Variants in FRMD5 observed in about 807,000 individuals in gnomAD.
The protein encoded by FRMD5 is FERM domain containing 5.
In FRMD5, 20 loss-of-function variants were observed where a neutral mutation model predicts 69.0. That is an observed-to-expected ratio of 0.29 (90% CI 0.20 to 0.42). FRMD5 has a LOEUF of 0.42. Among genes scored for constraint, FRMD5 ranks in the 10% least tolerant of loss-of-function variants. FRMD5 has a pLI of 1.00. For missense variants in FRMD5, 595 were observed against 708.6 expected, an observed-to-expected ratio of 0.84 and a Z score of 1.82; for synonymous variants, 271 against 260.1, an observed-to-expected ratio of 1.04 and a Z score of -0.40.
At chr15:43,888,765 C>T in intron 9 of FRMD5, 44 bp downstream of exon 9, 1 of 1,537,968 alleles carries the variant, frequency 6.5e-7, no homozygotes. Context: ...AGGAAGCATC[C>T]CATCACCCCA....
chr15:44,151,169 G>A (rs968826838), intron 1 of FRMD5, among the ~76,000 whole-genome samples: 3 of 151,900 alleles, frequency 2.0e-5, no homozygotes, highest in Admixed American at 6.6e-5. Context: ...AGGCCAAGGC[G>A]GACGGATCAC....
At chr15:44,117,991 CTTTTTTTTT>C (rs747747488) in intron 1 of FRMD5, among the ~76,000 whole-genome samples, 1 of 92,654 alleles carries the variant, frequency 1.1e-5, no homozygotes, top group Non-Finnish European at 2.1e-5. Flanking sequence ...TTCTTTTTTA[CTTTTTTTTT>C]TTTTTTTTTT....
Position 43,874,432 on chromosome 15 carries a change from G to A in FRMD5, c.1166C>T (p.Ser389Phe), listed in dbSNP as rs1203597307. The part of the protein sequence containing the change: ...GLESLRDSAH[S>F]TPVRSTSHGD... ...ATGGGAAGTGGAACGCACTGGTGTG[G>A]AATGGGCACTGTCCCGTAAGGACTC... Residue 389 changes from serine to phenylalanine, a missense_variant, in exon 14 of 14, where the codon TCC becomes TTC. Ser to Phe is a radical substitution (Grantham distance 155, BLOSUM62 -2). Transcript: ENST00000417257. 10 of 1,614,090 alleles carry A rather than the reference G, an allele frequency of 6.2e-6. No homozygotes were observed. Among genetic ancestry groups the A allele is most frequent in the Non-Finnish European group, 8.5e-6 (10 of 1,180,054 alleles).
chr15:44,014,498 A>G (rs1333742329), intron 1 of FRMD5, among the ~76,000 whole-genome samples: 3 of 152,168 alleles, frequency 2.0e-5, no homozygotes, highest in Admixed American at 6.5e-5. Context: ...ACATTTTGGG[A>G]GGCCGAGGCG....
At chr15:43,898,806 G>T (rs969801366) in intron 7 of FRMD5, among the ~76,000 whole-genome samples, 3 of 152,224 alleles carry the variant, frequency 2.0e-5, no homozygotes, top group Admixed American at 2.0e-4. Flanking sequence ...GGCAGAAAAT[G>T]CAGGACAGCC....
At position 44,187,441 on chromosome 15, in the gene FRMD5, A is replaced by C. The variant is rs1704280349; in HGVS notation, c.102+7512T>G. ...TGACTCAACTATACCAGAGTAAGTC[A>C]GATAAACATACTAAAGAAAAAAACT... is the stretch of plus-strand genomic sequence containing the variant. On this transcript the variant is annotated intron_variant, in intron 1 of 13. Coordinates refer to ENST00000417257, the MANE Select transcript of FRMD5 (RefSeq NM_032892.5). Among the ~76,000 whole-genome samples, 2 of 152,248 alleles carry C rather than the reference A, an allele frequency of 1.3e-5. 1 individual carries two copies. Among genetic ancestry groups the C allele is most frequent in the South Asian group, 4.1e-4 (2 of 4,838 alleles).
At chr15:43,903,557 A>G (rs1008206693) in intron 6 of FRMD5, among the ~76,000 whole-genome samples, 2 of 152,236 alleles carry the variant, frequency 1.3e-5, no homozygotes, top group Non-Finnish European at 2.9e-5. Context: ...ACCTATGGAA[A>G]AAGTACCTGT....
intron 1 of FRMD5, among the ~76,000 whole-genome samples, chr15:44,066,368 C>CCA: frequency 6.6e-6 from 1 of 152,088 alleles, no homozygotes; most frequent in Non-Finnish European, 1.5e-5. Context: ...ATAGTAAGGG[C>CCA]CACACAGTCG....
At chr15:43,899,109 T>C (rs761273367) in intron 7 of FRMD5, among the ~76,000 whole-genome samples, 2 of 152,248 alleles carry the variant, frequency 1.3e-5, no homozygotes, top group Non-Finnish European at 2.9e-5. Flanking sequence ...TCTCTGTTAA[T>C]AGAAATCATC....
At chr15:43,962,769 G>A (rs2090224629) in intron 1 of FRMD5, among the ~76,000 whole-genome samples, 1 of 152,170 alleles carries the variant, frequency 6.6e-6, no homozygotes, top group African/African-American at 2.4e-5. Flanking sequence ...ACAACTGTCT[G>A]ATCTTTGACA....
At chr15:43,893,143 AC>A (rs1254621561) in intron 7 of FRMD5, among the ~76,000 whole-genome samples, 5 of 151,968 alleles carry the variant, frequency 3.3e-5, no homozygotes, top group African/African-American at 7.2e-5. Flanking sequence ...AAAAAAAAAA[AC>A]ATTTTATGGT....
intron 1 of FRMD5, among the ~76,000 whole-genome samples, chr15:44,035,804 A>G (rs1349195114): frequency 1.3e-5 from 2 of 152,166 alleles, no homozygotes; most frequent in Non-Finnish European, 1.5e-5. Context: ...TTTTATGTTT[A>G]TATATCATAA....
chr15:43,904,531 C>G (rs1386137150), intron 6 of FRMD5, among the ~76,000 whole-genome samples: 1 of 151,994 alleles, frequency 6.6e-6, no homozygotes, highest in Non-Finnish European at 1.5e-5. Context: ...CCACATCTGG[C>G]TTTTTTATTT....
rs776299883 is a variant in FRMD5, at chr15:43,919,458, C to A, written c.329+1G>T. ...GGCTGCGGGAAGCATGTTCACCTCA[C>A]CTGGTTATTTCTTCTTTCAGAGCAG... On this transcript the variant is annotated splice_donor_variant, in intron 4 of 13. Coordinates refer to ENST00000417257, the MANE Select transcript of FRMD5 (RefSeq NM_032892.5). LOFTEE classifies it high-confidence loss of function. 1 of 1,613,828 alleles carries A rather than the reference C, an allele frequency of 6.2e-7. No homozygotes were observed. The highest frequency in any genetic ancestry group is 8.5e-7 in the Non-Finnish European group (1 of 1,179,772).
chr15:43,959,838 C>T (rs767731041), intron 1 of FRMD5, among the ~76,000 whole-genome samples: 10 of 152,070 alleles, frequency 6.6e-5, no homozygotes, highest in Non-Finnish European at 1.2e-4. Flanking sequence ...TCCCTTTTAA[C>T]GGGCCTATTG....
intron 13 of FRMD5, among the ~76,000 whole-genome samples, chr15:43,882,266 C>T (rs930159470): frequency 7.2e-5 from 11 of 152,156 alleles, no homozygotes; most frequent in African/African-American, 2.4e-4. Context: ...CTTCCCACCT[C>T]GGCCTGCTCC....
In FRMD5 at chr15:43,874,017, A is replaced by G. The variant is rs2088243266; in HGVS notation, c.1581T>C (p.Leu527=). Residue 527 remains leucine, a synonymous_variant, in exon 14 of 14, where the codon CTT becomes CTC. Coordinates refer to ENST00000417257, the MANE Select transcript of FRMD5 (RefSeq NM_032892.5). ...GGATATCACGGAAAAAGGCAATGTC[A>G]AGGTCAGACTCGGTAAGGATGATCA... ...LLLIILTESD[L]DIAFFRDIRQ... The G allele has an allele frequency of 6.2e-7, 1 of 1,614,086 alleles. No individual in the cohort carries two copies. The highest frequency in any genetic ancestry group is 1.7e-5 in the Admixed American group (1 of 60,006).
chr15:44,195,092 T>G lies in FRMD5; in HGVS notation c.-38A>C. 5 of 1,340,790 alleles carry G rather than the reference T, an allele frequency of 3.7e-6. No homozygotes were observed. The highest frequency in any genetic ancestry group is 4.9e-6 in the Non-Finnish European group (5 of 1,028,026). The allele number at this position is 1,340,790 out of a possible 1,614,324, so 83.1% of individuals were successfully genotyped here. A position where few individuals can be genotyped will look rare whatever the true frequency, so the allele number is the denominator to read the frequency against. On this transcript the variant is annotated 5_prime_UTR_variant, in exon 1 of 14. Transcript: ENST00000417257. ...CCGCCCGGGAGCGACGCGGCGGCGC[T>G]GCGGACCCTGGACCAGGCGTCCCTC... is the stretch of plus-strand genomic sequence containing the variant.
intron 1 of FRMD5, among the ~76,000 whole-genome samples, chr15:44,048,653 ACC>A (rs1332810552): frequency 5.3e-5 from 8 of 151,364 alleles, no homozygotes; most frequent in Non-Finnish European, 1.0e-4. Flanking sequence ...TCTCACGGCA[ACC>A]TCCGTCTCCC....
Sources: gnomAD v4.1 joint callset for allele counts (sites outside exome capture counted in the v4.1 genomes callset) on GRCh38, gnomAD v4.1.1 for gene constraint, MANE v1.5 for transcripts, NCBI Gene and HGNC (gene_info 2026-07-23, HGNC 2026-07-21) for gene names.